The following PAK6 variants were observed in gnomAD, a reference collection of about 807,000 sequenced individuals.
PAK6 encodes the protein p21 (RAC1) activated kinase 6, also known as serine/threonine-protein kinase PAK 6.
A neutral mutation model predicts 60.8 loss-of-function variants in PAK6; 33 were observed. That is an observed-to-expected ratio of 0.54 (90% CI 0.41 to 0.73). PAK6 has a LOEUF of 0.73. PAK6 is among the 30% of genes least tolerant of loss of function. PAK6 has a pLI of 0.00. For missense variants in PAK6, 845 were observed against 904.1 expected (o/e 0.93, Z 0.84); for synonymous variants, 404 against 378.5 (o/e 1.07, Z -0.78).
At chr15:40,252,529 G>A (rs1315326267) in intron 2 of PAK6, 1 of 1,362,880 alleles carries the variant, frequency 7.3e-7, no homozygotes, top group Non-Finnish European at 9.8e-7. Flanking sequence ...CGTCCTACCT[G>A]AGGCCACACC....
intron 2 of PAK6, among the ~76,000 whole-genome samples, chr15:40,243,547 G>A (rs1033954051): frequency 3.0e-4 from 46 of 152,314 alleles, no homozygotes; most frequent in African/African-American, 1.0e-3. Context: ...TCACCGTGAT[G>A]ATAACTGGTG....
At chr15:40,263,647 T>C (rs774205893) in intron 3 of PAK6, among the ~76,000 whole-genome samples, 2 of 152,168 alleles carry the variant, frequency 1.3e-5, no homozygotes, top group Non-Finnish European at 1.5e-5. Context: ...CAGAGTCTCA[T>C]TCTGTTGCCC....
At chr15:40,276,089 T>A (rs1379584778) in exon 11 of PAK6, 1 of 1,613,300 alleles carries the variant, frequency 6.2e-7, no homozygotes, top group African/African-American at 1.3e-5. Flanking sequence ...GACCTCCACC[T>A]GCTGAGCCCA....
rs556696825 is a variant in PAK6, at chr15:40,266,780, C to A, written c.858+285C>A. 1.1e-5 allele frequency: 4 copies of A among 370,702 alleles called. No homozygotes were observed. In the Admixed American group the frequency reaches 1.7e-4, roughly 16 times the overall value. The allele number at this position is 370,702 out of a possible 1,614,324, so 23.0% of individuals were successfully genotyped here. A position where few individuals can be genotyped will look rare whatever the true frequency, so the allele number is the denominator to read the frequency against. On this transcript the variant is annotated intron_variant, in intron 5 of 10. Coordinates refer to ENST00000560346, the Ensembl canonical transcript of PAK6. ...TAGGAAAAGCTGGATTTGCCTAGTC[C>A]AGGGGCAGCAGGAGGCCGACTTGTG...
intron 4 of PAK6, among the ~76,000 whole-genome samples, chr15:40,265,359 G>C (rs2039093465): frequency 6.6e-6 from 1 of 152,242 alleles, no homozygotes; most frequent in African/African-American, 2.4e-5. Flanking sequence ...TTAGTTGTGA[G>C]GGTCACGACT....
At chr15:40,269,319 C>T (rs1304031824) in intron 5 of PAK6, among the ~76,000 whole-genome samples, 1 of 152,188 alleles carries the variant, frequency 6.6e-6, no homozygotes, top group Non-Finnish European at 1.5e-5. Context: ...CCATGCCAGG[C>T]CGGCTTTATT....
intron 10 of PAK6, among the ~76,000 whole-genome samples, chr15:40,275,550 G>C (rs2039434211): frequency 6.6e-6 from 1 of 152,072 alleles, no homozygotes; most frequent in African/African-American, 2.4e-5. Flanking sequence ...CTCCCAAAGT[G>C]CTGGGATTAC....
intron 5 of PAK6, chr15:40,266,830 C>T (rs2039151731): frequency 3.8e-6 from 1 of 265,826 alleles, no homozygotes; most frequent in Non-Finnish European, 7.0e-6. Context: ...TTCAGACGCA[C>T]ATTTTTCTTG....
chr15:40,255,113 C>T (rs909425202), intron 3 of PAK6, among the ~76,000 whole-genome samples: 2 of 152,144 alleles, frequency 1.3e-5, no homozygotes, highest in African/African-American at 4.8e-5. Flanking sequence ...GCCAGAGGTT[C>T]CAATGCTTAG....
At chr15:40,253,061 T>G in intron 2 of PAK6, 117 bp from the exon 3 acceptor site, 2 of 385,644 alleles carry the variant, frequency 5.2e-6, no homozygotes, top group Admixed American at 3.1e-5. Flanking sequence ...GAGCCAGGAG[T>G]TCAGTCGGGA....
chr15:40,252,338 C>A (rs527893521), intron 2 of PAK6: 4 of 1,284,542 alleles, frequency 3.1e-6, no homozygotes, highest in Admixed American at 4.9e-5. Flanking sequence ...GCCGTGGAGC[C>A]GCAGGCAGGT....
chr15:40,260,589 C>T (rs761821284), intron 3 of PAK6, among the ~76,000 whole-genome samples: 80 of 152,190 alleles, frequency 5.3e-4, no homozygotes, highest in Non-Finnish European at 7.2e-4. Context: ...AATCCTCCAA[C>T]TTCGTTCATT....
At chr15:40,256,005 A>G (rs1468903225) in intron 3 of PAK6, among the ~76,000 whole-genome samples, 2 of 152,160 alleles carry the variant, frequency 1.3e-5, no homozygotes, top group African/African-American at 2.4e-5. Flanking sequence ...CTCGTTTACC[A>G]TGGTCCCCAG....
intron 3 of PAK6, among the ~76,000 whole-genome samples, chr15:40,260,640 T>C (rs925777290): frequency 1.3e-5 from 2 of 152,234 alleles, no homozygotes; most frequent in Admixed American, 6.5e-5. Context: ...TATTTCTGTA[T>C]ACATTTTAGA....
At chr15:40,263,390 C>G (rs1388994227) in intron 3 of PAK6, among the ~76,000 whole-genome samples, 1 of 152,190 alleles carries the variant, frequency 6.6e-6, no homozygotes, top group Non-Finnish European at 1.5e-5. Context: ...CTGGCCCTGT[C>G]TGCCATCAAC....
intron 2 of PAK6, among the ~76,000 whole-genome samples, chr15:40,244,479 C>A (rs1208147280): frequency 1.3e-5 from 2 of 151,108 alleles, no homozygotes; most frequent in African/African-American, 4.9e-5. Context: ...CTCTCTGCAA[C>A]CTCCGCCTCC....
chr15:40,240,193 C>T (rs1303048677), intron 1 of PAK6: 1 of 159,094 alleles, frequency 6.3e-6, no homozygotes, highest in Non-Finnish European at 1.4e-5. Context: ...GGCCTGGGTA[C>T]CAAGGAAACA....
exon 11 of PAK6, chr15:40,276,748 T>TGTGTGTG (rs1566860704): frequency 2.8e-5 from 1 of 35,760 alleles, no homozygotes; most frequent in Non-Finnish European, 6.3e-5. Context: ...GGAGAGAACA[T>TGTGTGTG]CGTGTGTGTG....
chr15:40,266,349 A>G, exon 5 of PAK6: 9 of 1,612,658 alleles, frequency 5.6e-6, no homozygotes, highest in Non-Finnish European at 7.6e-6. Context: ...GGGCTCAGCC[A>G]CAGGCAGGCC....
Sources: gnomAD v4.1 joint callset for allele counts (sites outside exome capture counted in the v4.1 genomes callset) on GRCh38, gnomAD v4.1.1 for gene constraint, MANE v1.5 for transcripts, NCBI Gene and HGNC (gene_info 2026-07-23, HGNC 2026-07-21) for gene names.